The following AKAP19 variants were observed in gnomAD, a reference collection of about 807,000 sequenced individuals.
AKAP19 encodes small A-kinase anchoring protein.
chr2:190,198,127 T>C, the AKAP19 span, among the ~76,000 whole-genome samples: 1 of 152,194 alleles, frequency 6.6e-6, no homozygotes, highest in African/African-American at 2.4e-5. Context: ...AAGCAGGGCA[T>C]ACAGAACTAA....
At chr2:190,105,337 G>T in the AKAP19 span, among the ~76,000 whole-genome samples, 1 of 152,086 alleles carries the variant, frequency 6.6e-6, no homozygotes, top group Non-Finnish European at 1.5e-5. Context: ...GTAATAAGTT[G>T]TATGAATACC....
the AKAP19 span, among the ~76,000 whole-genome samples, chr2:190,157,365 T>TACACACACACACACACACACAC: frequency 0.011 from 1,273 of 116,984 alleles, 12 homozygotes; most frequent in African/African-American, 0.016. Flanking sequence ...CCTAAACTTG[T>TACACACACACACACACACACAC]ATACACACAC....
chr2:190,053,170 G>T, the AKAP19 span, among the ~76,000 whole-genome samples: 1 of 152,308 alleles, frequency 6.6e-6, no homozygotes, highest in Middle Eastern at 3.4e-3. Context: ...TTAGTGTAAT[G>T]TTAAACCTGA....
chr2:190,030,567 T>C, the AKAP19 span, among the ~76,000 whole-genome samples: 3 of 152,212 alleles, frequency 2.0e-5, no homozygotes, highest in Non-Finnish European at 4.4e-5. Flanking sequence ...AACCATGTCT[T>C]GGAAATTTAC....
At chr2:190,051,899 G>A in the AKAP19 span, among the ~76,000 whole-genome samples, 17 of 151,394 alleles carry the variant, frequency 1.1e-4, no homozygotes, top group Middle Eastern at 3.4e-3. Flanking sequence ...GTGCAGTGGC[G>A]CAATCTCGGC....
chr2:190,124,098 A>T, the AKAP19 span, among the ~76,000 whole-genome samples: 13 of 152,230 alleles, frequency 8.5e-5, no homozygotes, highest in Non-Finnish European at 1.6e-4. Flanking sequence ...AGGCTTTCAG[A>T]CTATGAGCCA....
the AKAP19 span, among the ~76,000 whole-genome samples, chr2:190,091,864 A>G: frequency 0.025 from 3,733 of 152,252 alleles, 168 homozygotes; most frequent in African/African-American, 0.084. Flanking sequence ...TAAAATATAG[A>G]AAACACAAAG....
the AKAP19 span, among the ~76,000 whole-genome samples, chr2:190,197,028 C>G: frequency 4.2e-4 from 64 of 152,104 alleles, no homozygotes; most frequent in African/African-American, 1.5e-3. This position sits in a 1 kb window ranked among gnomAD's most constrained non-coding sequence, Gnocchi z 4.0. Flanking sequence ...TTGTGGTTTA[C>G]AGCTTTTCAC....
chr2:190,152,563 A>T, the AKAP19 span, among the ~76,000 whole-genome samples: 2 of 152,208 alleles, frequency 1.3e-5, no homozygotes, highest in Admixed American at 6.5e-5. Context: ...CCCTAATAAG[A>T]ATAGCACTTT....
At chr2:190,175,440 G>A in the AKAP19 span, among the ~76,000 whole-genome samples, 20 of 152,232 alleles carry the variant, frequency 1.3e-4, no homozygotes, top group Middle Eastern at 3.4e-3. Context: ...TACATTACAC[G>A]GTCAGGAGAT....
At chr2:190,103,223 C>T in the AKAP19 span, among the ~76,000 whole-genome samples, 1 of 152,172 alleles carries the variant, frequency 6.6e-6, no homozygotes, top group African/African-American at 2.4e-5. Flanking sequence ...GACAAATGCA[C>T]AGCCGACATC....
the AKAP19 span, among the ~76,000 whole-genome samples, chr2:189,939,817 G>A: frequency 6.6e-6 from 1 of 152,178 alleles, no homozygotes; most frequent in Non-Finnish European, 1.5e-5. Context: ...ATCATTCAGA[G>A]GAAAGGATCA....
chr2:190,155,306 C>A, the AKAP19 span, among the ~76,000 whole-genome samples: 1 of 152,070 alleles, frequency 6.6e-6, no homozygotes, highest in African/African-American at 2.4e-5. Flanking sequence ...TAAAGTATTT[C>A]TGATGGTTGA....
At chr2:190,079,854 GGGGTGT>G in the AKAP19 span, 20 of 65,510 alleles carry the variant, frequency 3.1e-4, no homozygotes, top group African/African-American at 1.2e-3. Flanking sequence ...GGAAAAATGA[GGGGTGT>G]GTGTGTGTGT....
At chr2:190,038,573 A>T in the AKAP19 span, among the ~76,000 whole-genome samples, 9 of 151,904 alleles carry the variant, frequency 5.9e-5, no homozygotes, top group Non-Finnish European at 1.3e-4. Flanking sequence ...TTCTTCTCTA[A>T]CTCTCTCCCT....
At chr2:190,105,194 G>A in the AKAP19 span, among the ~76,000 whole-genome samples, 1 of 152,268 alleles carries the variant, frequency 6.6e-6, no homozygotes, top group Non-Finnish European at 1.5e-5. Flanking sequence ...GTTCATCACA[G>A]TACTATTCAT....
chr2:190,180,999 G>A, the AKAP19 span: 2 of 985,714 alleles, frequency 2.0e-6, no homozygotes, highest in South Asian at 9.4e-5. This position sits in a 1 kb window ranked among gnomAD's most constrained non-coding sequence, Gnocchi z 6.8. Context: ...CCACGACAGG[G>A]CTGCTCCGGG....
chr2:190,147,523 A>T, the AKAP19 span, among the ~76,000 whole-genome samples: 2 of 152,284 alleles, frequency 1.3e-5, no homozygotes, highest in Admixed American at 1.3e-4. Context: ...TGTTTTTTCT[A>T]ACTATGTGAA....
the AKAP19 span, among the ~76,000 whole-genome samples, chr2:190,107,130 T>C: frequency 6.6e-6 from 1 of 152,224 alleles, no homozygotes; most frequent in African/African-American, 2.4e-5. Flanking sequence ...TGATTTAATA[T>C]TAAATGTTTA....
Sources: allele counts gnomAD v4.1 joint callset (sites outside exome capture counted in the v4.1 genomes callset), GRCh38; gene constraint gnomAD v4.1.1; non-coding constraint Gnocchi (gnomAD v3.1); transcripts MANE v1.5; gene names NCBI Gene and HGNC (gene_info 2026-07-23, HGNC 2026-07-21).